The following TPCN1 variants were observed in gnomAD, a reference collection of about 807,000 sequenced individuals.
TPCN1 encodes two pore segment channel 1.
A neutral mutation model predicts 108.8 loss-of-function variants in TPCN1; 52 were observed. That is an observed-to-expected ratio of 0.48 (90% CI 0.38 to 0.60). TPCN1 has a LOEUF of 0.60. TPCN1 is among the 20% of genes least tolerant of loss of function. TPCN1 has a pLI of 0.00. For synonymous variants in TPCN1, 446 were observed against 433.7 expected (o/e 1.03, Z -0.35); for missense variants, 806 against 1,072.8 (o/e 0.75, Z 3.47).
At chr12:113,223,189 G>C (rs1029564460) in intron 1 of TPCN1, among the ~76,000 whole-genome samples, 1 of 152,194 alleles carries the variant, frequency 6.6e-6, no homozygotes, top group Non-Finnish European at 1.5e-5. Flanking sequence ...AGAGAGCTAC[G>C]GGCTTAGCAG....
intron 10 of TPCN1, among the ~76,000 whole-genome samples, chr12:113,276,312 T>C (rs1955670828): frequency 6.6e-6 from 1 of 152,238 alleles, no homozygotes; most frequent in Non-Finnish European, 1.5e-5. Flanking sequence ...TTTCAAGTTC[T>C]TCCCCGGCCT....
intron 2 of TPCN1, among the ~76,000 whole-genome samples, chr12:113,247,364 T>C (rs1046654143): frequency 3.9e-5 from 6 of 152,214 alleles, no homozygotes; most frequent in Admixed American, 3.9e-4. Flanking sequence ...GCTATCAGCC[T>C]GTCCCCTTTG....
At chr12:113,287,495 C>T (rs1298735379) in intron 19 of TPCN1, 2 of 176,852 alleles carry the variant, frequency 1.1e-5, no homozygotes, top group East Asian at 1.7e-4. Context: ...CGTGTGGGTC[C>T]CACTGGTTTC....
chr12:113,246,407 C>T (rs980893325), intron 2 of TPCN1, among the ~76,000 whole-genome samples: 2 of 152,190 alleles, frequency 1.3e-5, no homozygotes, highest in African/African-American at 4.8e-5. Context: ...CCCCAGAGGC[C>T]CAGAACAGAG....
chr12:113,273,218 C>A lies in TPCN1; in HGVS notation c.784-14C>A. 6.2e-7 allele frequency: 1 copy of A among 1,614,164 alleles called. No individual in the cohort carries two copies. ...TGGCTGGTCCCGACTTCTCTGCCCT[C>A]TCTTCCCTTGCAGTACTTCAGCACC... On this transcript the variant is annotated splice_polypyrimidine_tract_variant and intron_variant, in intron 8 of 27. Transcript: ENST00000335509. The surrounding 1 kb of genome is among the most constrained non-coding windows in gnomAD (Gnocchi z 4.0).
intron 2 of TPCN1, among the ~76,000 whole-genome samples, chr12:113,235,810 C>T (rs374141227): frequency 3.4e-4 from 52 of 152,154 alleles, no homozygotes; most frequent in Admixed American, 7.2e-4. Flanking sequence ...TGGCGTGCTT[C>T]CTCTTGGTGA....
rs34649612 is a variant in TPCN1 at position 113,288,347 on chromosome 12, C to T, written c.1706+113C>T. 0.096 allele frequency: 148,836 copies of T among 1,542,768 alleles called. 7,810 individuals carry two copies. Among genetic ancestry groups the T allele is most frequent in the Non-Finnish European group, 0.1 (117,831 of 1,147,260 alleles). ...AAGGAGTTCCACAAAGGACTGCAAT[C>T]GAGGGCCTGACGGGGCTCCAAGGAG... On this transcript the variant is annotated intron_variant, in intron 20 of 27. Transcript: ENST00000335509. The surrounding 1 kb of genome is among the most constrained non-coding windows in gnomAD (Gnocchi z 4.8).
At position 113,269,770 on chromosome 12, in the gene TPCN1, A is replaced by G. The variant is rs1038105897; in HGVS notation, c.673A>G (p.Ile225Val). The G allele has an allele frequency of 1.2e-6, 2 of 1,613,510 alleles. No homozygotes were observed. Among genetic ancestry groups the G allele is most frequent in the African/African-American group, 2.7e-5 (2 of 74,886 alleles). Reference protein sequence around the residue: ...CGGVRRNLRQIFQSLPPFMDI... With the variant: ...CGGVRRNLRQVFQSLPPFMDI... Reference sequence around the variant, plus strand: ...ATCTCTCCCCAGCAACCTGCGGCAGATCTTCCAGTCCCTGCCGCCCTTCAT... The same window carrying G: ...ATCTCTCCCCAGCAACCTGCGGCAGGTCTTCCAGTCCCTGCCGCCCTTCAT... Residue 225 changes from isoleucine to valine, a missense_variant, in exon 7 of 28, where the codon ATC becomes GTC. Transcript: ENST00000335509. This position sits in a 1 kb window ranked among gnomAD's most constrained non-coding sequence, Gnocchi z 5.0.
intron 2 of TPCN1, among the ~76,000 whole-genome samples, chr12:113,254,792 C>A (rs1250962456): frequency 6.6e-6 from 1 of 152,184 alleles, no homozygotes; most frequent in East Asian, 1.9e-4. Flanking sequence ...ATTAGGGATT[C>A]TCAAGCTGAA....
intron 2 of TPCN1, among the ~76,000 whole-genome samples, chr12:113,254,646 A>G (rs1416977947): frequency 1.3e-5 from 2 of 152,164 alleles, no homozygotes; most frequent in East Asian, 3.8e-4. Flanking sequence ...CAGATTTTGG[A>G]GTATTTGCGT....
intron 2 of TPCN1, chr12:113,244,582 G>A (rs1005767084): frequency 2.8e-5 from 28 of 985,416 alleles, no homozygotes; most frequent in Middle Eastern, 5.2e-4. Flanking sequence ...TGGTGGCAAC[G>A]CTGTGCCTGG....
At chr12:113,270,804 TA>T (rs899416568) in intron 7 of TPCN1, among the ~76,000 whole-genome samples, 2 of 152,106 alleles carry the variant, frequency 1.3e-5, no homozygotes, top group Non-Finnish European at 2.9e-5. Context: ...ATAGGGGCAC[TA>T]ATCCCATTCG....
intron 3 of TPCN1, among the ~76,000 whole-genome samples, chr12:113,263,170 T>C (rs904311284): frequency 6.6e-6 from 1 of 152,236 alleles, no homozygotes; most frequent in Admixed American, 6.5e-5. Flanking sequence ...CAAATTTATA[T>C]TGTTTAAATT....
intron 2 of TPCN1, among the ~76,000 whole-genome samples, chr12:113,245,441 A>AG (rs1954324962): frequency 6.8e-6 from 1 of 146,444 alleles, no homozygotes; most frequent in African/African-American, 2.6e-5. Flanking sequence ...ACTAAAAAAA[A>AG]ATACAAAAAA....
rs767525524 is a variant in TPCN1, at chr12:113,284,564, G to T, written c.1343-17G>T. ...CCCCTGTTATTTCTCTGTCTTTTAC[G>T]GGCCTGTGTATTTCAGACTTGGTGG... is the stretch of plus-strand genomic sequence containing the variant. On this transcript the variant is annotated splice_polypyrimidine_tract_variant and intron_variant, in intron 15 of 27. Coordinates refer to ENST00000335509, the MANE Select transcript of TPCN1 (RefSeq NM_017901.6). This position sits in a 1 kb window ranked among gnomAD's most constrained non-coding sequence, Gnocchi z 4.1. The T allele has an allele frequency of 6.2e-7, 1 of 1,613,990 alleles. No homozygotes were observed. Among genetic ancestry groups the T allele is most frequent in the Non-Finnish European group, 8.5e-7 (1 of 1,180,006 alleles).
intron 15 of TPCN1, among the ~76,000 whole-genome samples, chr12:113,281,202 A>G (rs1379040266): frequency 6.6e-6 from 1 of 151,646 alleles, no homozygotes; most frequent in Non-Finnish European, 1.5e-5. Flanking sequence ...CACCACGCCC[A>G]GCTGTTTTTG....
chr12:113,287,803 C>A (rs61943639), intron 19 of TPCN1, among the ~76,000 whole-genome samples: 1 of 152,150 alleles, frequency 6.6e-6, no homozygotes, highest in Non-Finnish European at 1.5e-5. Flanking sequence ...CACTGGTGAG[C>A]TCCATTGCCC....
At chr12:113,242,825 CCT>C (rs1954203537) in intron 2 of TPCN1, among the ~76,000 whole-genome samples, 1 of 152,224 alleles carries the variant, frequency 6.6e-6, no homozygotes, top group Admixed American at 6.5e-5. Flanking sequence ...CTGGCATTCC[CCT>C]GAGTTCCTCC....
At position 113,266,373 on chromosome 12, in the gene TPCN1, C is replaced by T; in HGVS notation, c.414+17C>T. The T allele has an allele frequency of 6.2e-7, 1 of 1,601,178 alleles. No homozygotes were observed. The highest frequency in any genetic ancestry group is 8.5e-7 in the Non-Finnish European group (1 of 1,178,476). On this transcript the variant is annotated intron_variant, in intron 4 of 27. Coordinates refer to ENST00000335509, the MANE Select transcript of TPCN1 (RefSeq NM_017901.6). The surrounding 1 kb of genome is among the most constrained non-coding windows in gnomAD (Gnocchi z 4.2). Reference sequence around the variant, plus strand: ...GGCATCTATGTGAGCGCACATGCTCCTCATACGGGGGGCTGGGAGCCACGG... The same window carrying T: ...GGCATCTATGTGAGCGCACATGCTCTTCATACGGGGGGCTGGGAGCCACGG...
Sources: gnomAD v4.1 joint callset for allele counts (sites outside exome capture counted in the v4.1 genomes callset) on GRCh38, gnomAD v4.1.1 for gene constraint, Gnocchi (gnomAD v3.1) non-coding constraint, MANE v1.5 for transcripts, NCBI Gene and HGNC (gene_info 2026-07-23, HGNC 2026-07-21) for gene names.